The following MBIP variants were observed in gnomAD, a reference collection of about 807,000 sequenced individuals.
The protein encoded by MBIP is MAP3K12-binding inhibitory protein 1.
A neutral mutation model predicts 45.7 loss-of-function variants in MBIP; 32 were observed. That is an observed-to-expected ratio of 0.70 (90% CI 0.53 to 0.94). The LOEUF is 0.94. Ranked by LOEUF, MBIP falls within the 40% of genes least tolerant of loss-of-function variation. The pLI is 0.00. For missense variants in MBIP, 381 were observed against 405.5 expected, an observed-to-expected ratio of 0.94 and a Z score of 0.52; for synonymous variants, 145 against 141.0, an observed-to-expected ratio of 1.03 and a Z score of -0.20.
At position 36,314,889 on chromosome 14, in the gene MBIP, C is replaced by T. The variant is rs113771477; in HGVS notation, c.276G>A (p.Pro92=). The T allele has an allele frequency of 2.2e-3, 3,490 of 1,612,774 alleles. 64 individuals carry two copies. In the African/African-American group the frequency reaches 0.042, roughly 19 times the overall value. ...CAGCAGTTGTATTCTCCTCTTTAAT[C>T]GGAGACTGAAGTTTTGCTAAAAAAG... ...LQPFLAKLQS[P]IKEENTTAVE... The change falls in exon 3 of 9, where the codon CCG becomes CCA. Residue 92 remains proline (P), a synonymous_variant. Coordinates refer to ENST00000416007, the MANE Select transcript of MBIP (RefSeq NM_016586.3).
At chr14:36,305,679 T>C (rs970324841) in intron 7 of MBIP, among the ~76,000 whole-genome samples, 6 of 152,204 alleles carry the variant, frequency 3.9e-5, no homozygotes, top group African/African-American at 1.4e-4. Flanking sequence ...GTCCCAAGTG[T>C]AAGTGCCGTA....
Position 36,311,563 on chromosome 14 carries a change from C to T in MBIP, c.790+10G>A. 1 of 1,597,632 alleles carries T rather than the reference C, an allele frequency of 6.3e-7. No homozygotes were observed. The highest frequency in any genetic ancestry group is 1.1e-5 in the South Asian group (1 of 88,480). On this transcript the variant is annotated intron_variant, in intron 6 of 8. Coordinates refer to ENST00000416007, the MANE Select transcript of MBIP (RefSeq NM_016586.3). Reference sequence around the variant, plus strand: ...GTTCATTATGAGGTGCCACTTAGCACTTTGCTTACCTGTCTGTAACCGCAA... The same window carrying T: ...GTTCATTATGAGGTGCCACTTAGCATTTTGCTTACCTGTCTGTAACCGCAA...
intron 4 of MBIP, chr14:36,314,276 T>C: frequency 2.4e-6 from 1 of 410,592 alleles, no homozygotes; most frequent in Non-Finnish European, 4.3e-6. Context: ...AATCTTCACC[T>C]GTGATAAACA....
intron 4 of MBIP, chr14:36,313,146 T>TC (rs1880311252): frequency 6.6e-6 from 1 of 151,846 alleles, no homozygotes; most frequent in African/African-American, 2.4e-5. Flanking sequence ...TTCCTCCTTT[T>TC]TTTTTTTTTT....
At chr14:36,299,276 A>T in intron 8 of MBIP, 86 bp from the exon 9 acceptor site, 2 of 847,578 alleles carry the variant, frequency 2.4e-6, no homozygotes, top group Non-Finnish European at 3.8e-6. Context: ...ATAAATATTT[A>T]AAATATTCAA....
intron 8 of MBIP, 145 bp from the exon 9 acceptor site, chr14:36,299,335 G>A (rs369423113): frequency 3.4e-6 from 2 of 581,420 alleles, no homozygotes; most frequent in East Asian, 2.9e-5. Context: ...TCTTAAAACT[G>A]AGCAACTATA....
At chr14:36,309,382 T>C (rs1216782804) in intron 6 of MBIP, among the ~76,000 whole-genome samples, 2 of 152,232 alleles carry the variant, frequency 1.3e-5, no homozygotes, top group Non-Finnish European at 2.9e-5. Context: ...ATCTGTTTTG[T>C]TCATTAGGTA....
chr14:36,300,846 ATGTTT>A, intron 7 of MBIP, 23 bp from the exon 8 acceptor site: 1 of 1,395,944 alleles, frequency 7.2e-7, no homozygotes, highest in Non-Finnish European at 9.9e-7. Context: ...AAAAAAGGTA[ATGTTT>A]AGAAAAATCT....
intron 6 of MBIP, among the ~76,000 whole-genome samples, chr14:36,309,716 A>T: frequency 6.6e-6 from 1 of 152,160 alleles, no homozygotes; most frequent in Non-Finnish European, 1.5e-5. Flanking sequence ...ATCTTTCAAG[A>T]GCCAGTTCAA....
At chr14:36,310,060 G>A (rs1880110297) in intron 6 of MBIP, among the ~76,000 whole-genome samples, 1 of 152,134 alleles carries the variant, frequency 6.6e-6, no homozygotes, top group South Asian at 2.1e-4. Flanking sequence ...ATAGTGCTTG[G>A]AGCATAGTAA....
intron 8 of MBIP, 24 bp from the exon 9 acceptor site, chr14:36,299,214 T>C: frequency 1.3e-6 from 2 of 1,510,398 alleles, no homozygotes; most frequent in Non-Finnish European, 1.8e-6. Flanking sequence ...CGACACAAAT[T>C]GCTGAATAAG....
intron 2 of MBIP, among the ~76,000 whole-genome samples, chr14:36,315,484 C>A (rs1037724631): frequency 2.6e-5 from 4 of 151,748 alleles, no homozygotes; most frequent in Middle Eastern, 3.4e-3. Flanking sequence ...AACACTCAGA[C>A]TTTTCCTGAC....
rs534999857 is a variant in MBIP at position 36,320,452 on chromosome 14, C to A, written c.129+8G>T. 14 of 1,614,112 alleles carry A rather than the reference C, an allele frequency of 8.7e-6. No individual in the cohort carries two copies. The South Asian group carries it at 1.4e-4, about 16-fold the overall frequency. On this transcript the variant is annotated splice_region_variant and intron_variant, in intron 1 of 8. Transcript: ENST00000416007. The stretch of plus-strand genomic sequence containing the variant: ...TCCATATTCCCAGTCCCTCAGGCCA[C>A]CTCTCACCTGTCCAACCAGGGTGTG...
chr14:36,300,866 A>G, intron 7 of MBIP, 43 bp from the exon 8 acceptor site: 1 of 1,259,954 alleles, frequency 7.9e-7, no homozygotes, highest in Non-Finnish European at 1.1e-6. Flanking sequence ...AAATCTAAGC[A>G]TCATTTTTTT....
chr14:36,300,494 G>A (rs1219014012), intron 8 of MBIP, among the ~76,000 whole-genome samples: 2 of 152,154 alleles, frequency 1.3e-5, no homozygotes, highest in African/African-American at 4.8e-5. Flanking sequence ...GGGATGGGGG[G>A]AGACTGAAAT....
At chr14:36,299,604 C>T (rs1879415662) in intron 8 of MBIP, among the ~76,000 whole-genome samples, 1 of 151,936 alleles carries the variant, frequency 6.6e-6, no homozygotes, top group Non-Finnish European at 1.5e-5. Context: ...CCATGACATG[C>T]AATTTACCCA....
At chr14:36,312,317 G>C (rs1880259958) in intron 4 of MBIP, among the ~76,000 whole-genome samples, 1 of 151,924 alleles carries the variant, frequency 6.6e-6, no homozygotes, top group Non-Finnish European at 1.5e-5. Context: ...GTCACTATTT[G>C]GGCCACTGGA....
At chr14:36,316,611 A>G in intron 2 of MBIP, 82 bp downstream of exon 2, 1 of 1,274,140 alleles carries the variant, frequency 7.8e-7, no homozygotes, top group Non-Finnish European at 1.1e-6. Flanking sequence ...TAGTGTTTAG[A>G]ACTGTCAAAT....
chr14:36,319,604 G>T (rs752756886), intron 1 of MBIP: 3 of 440,512 alleles, frequency 6.8e-6, no homozygotes, highest in Non-Finnish European at 4.6e-6. Flanking sequence ...TGACACAAAT[G>T]CCTGCTTTGT....
Sources: allele counts gnomAD v4.1 joint callset (sites outside exome capture counted in the v4.1 genomes callset), GRCh38; gene constraint gnomAD v4.1.1; transcripts MANE v1.5; gene names NCBI Gene and HGNC (gene_info 2026-07-23, HGNC 2026-07-21).